ERBB4: variants seen among roughly 807,000 people sequenced by gnomAD.
The protein encoded by ERBB4 is erb-b2 receptor tyrosine kinase 4.
Under a neutral mutation model 158.0 loss-of-function variants are expected in ERBB4, and 42 were observed. That is an observed-to-expected ratio of 0.27 (90% confidence interval 0.21 to 0.34). ERBB4 has a LOEUF of 0.34. ERBB4 is among the 10% of genes least tolerant of loss of function. The pLI, the probability that ERBB4 is intolerant of heterozygous loss-of-function variation, is 1.00. For synonymous variants in ERBB4, 583 were observed against 558.7 expected (o/e 1.04, Z -0.61); for missense variants, 1,333 against 1,624.1 (o/e 0.82, Z 3.08).
At chr2:211,735,405 A>G (rs1321434674) in intron 5 of ERBB4, among the ~76,000 whole-genome samples, 1 of 152,208 alleles carries the variant, frequency 6.6e-6, no homozygotes, top group East Asian at 1.9e-4. Flanking sequence ...ACATGTTTTC[A>G]TCAAGTTAAG....
intron 1 of ERBB4, among the ~76,000 whole-genome samples, chr2:212,421,913 G>C (rs533063936): frequency 1.3e-5 from 2 of 152,224 alleles, no homozygotes; most frequent in South Asian, 4.1e-4. Flanking sequence ...CAAATGAAAA[G>C]TATATTATCT....
intron 20 of ERBB4, among the ~76,000 whole-genome samples, chr2:211,467,128 T>C (rs1319392915): frequency 6.6e-6 from 1 of 152,162 alleles, no homozygotes; most frequent in Non-Finnish European, 1.5e-5. Flanking sequence ...CTTTGTGTTA[T>C]GCAGTGGGTT....
chr2:212,023,528 AC>A (rs1339717849), intron 2 of ERBB4, among the ~76,000 whole-genome samples: 1 of 152,010 alleles, frequency 6.6e-6, no homozygotes, highest in African/African-American at 2.4e-5. Context: ...TTTAAAAAAA[AC>A]AGATGAATAA....
At chr2:212,182,358 T>C (rs1219415909) in intron 1 of ERBB4, among the ~76,000 whole-genome samples, 1 of 151,842 alleles carries the variant, frequency 6.6e-6, no homozygotes, top group Non-Finnish European at 1.5e-5. Context: ...GACAGTTTTT[T>C]TGATCCATCT....
intron 3 of ERBB4, among the ~76,000 whole-genome samples, chr2:211,880,878 C>T (rs553872406): frequency 6.6e-6 from 1 of 152,308 alleles, no homozygotes; most frequent in East Asian, 1.9e-4. Context: ...GGAAAATATT[C>T]ATCTTGTTTG....
At chr2:212,211,099 C>A (rs1370052477) in intron 1 of ERBB4, among the ~76,000 whole-genome samples, 5 of 152,134 alleles carry the variant, frequency 3.3e-5, no homozygotes, top group Admixed American at 6.6e-5. Flanking sequence ...TAATTACTCA[C>A]TAGTGCTATA....
chr2:211,549,408 G>A lies in ERBB4; in HGVS notation c.2487+12495C>T, dbSNP rs185203496. Among the ~76,000 whole-genome samples the A allele has an allele frequency of 3.9e-5, 6 of 152,124 alleles. No individual in the cohort carries two copies. In the East Asian group the frequency reaches 1.2e-3, roughly 30 times the overall value. Reference sequence around the variant, plus strand: ...GGGGGCTGGTAGTGGGATTGGGTAGGGAGACCTATGTTCCTACGGTCACAC... The same window carrying A: ...GGGGGCTGGTAGTGGGATTGGGTAGAGAGACCTATGTTCCTACGGTCACAC... On this transcript the variant is annotated intron_variant, in intron 20 of 27. Transcript: ENST00000342788.
chr2:211,895,675 A>C lies in ERBB4; in HGVS notation c.421+51755T>G, dbSNP rs192392113. Among the ~76,000 whole-genome samples, 34 of 152,188 alleles carry C rather than the reference A, an allele frequency of 2.2e-4. No homozygotes were observed. The East Asian group carries it at 6.6e-3, about 29-fold the overall frequency. ...TATCCAGTTCTTTAACCTTACATAC[A>C]TCTCCAAATTTTTCTCTGTTTCTCT... On this transcript the variant is annotated intron_variant, in intron 3 of 27. Transcript: ENST00000342788.
chr2:212,461,217 C>T (rs1340951145), intron 1 of ERBB4, among the ~76,000 whole-genome samples: 1 of 152,130 alleles, frequency 6.6e-6, no homozygotes, highest in Non-Finnish European at 1.5e-5. Context: ...GAATGGTAGA[C>T]CCAGTGACGG....
intron 20 of ERBB4, among the ~76,000 whole-genome samples, chr2:211,455,847 C>G (rs904015514): frequency 2.6e-5 from 4 of 152,128 alleles, no homozygotes; most frequent in Non-Finnish European, 4.4e-5. Flanking sequence ...TTTATCAGTT[C>G]CAGGAGTAAT....
At chr2:212,265,312 T>C (rs2085090259) in intron 1 of ERBB4, among the ~76,000 whole-genome samples, 1 of 152,136 alleles carries the variant, frequency 6.6e-6, no homozygotes, top group Non-Finnish European at 1.5e-5. Context: ...TTTTATGCTG[T>C]CTGAAAGGTC....
At chr2:211,437,923 A>C (rs2063890398) in intron 20 of ERBB4, among the ~76,000 whole-genome samples, 1 of 152,208 alleles carries the variant, frequency 6.6e-6, no homozygotes, top group Admixed American at 6.5e-5. Context: ...GTTAGAGCTA[A>C]AGATATAAGC....
intron 9 of ERBB4, among the ~76,000 whole-genome samples, chr2:211,708,269 T>A (rs2073527364): frequency 6.6e-6 from 1 of 152,156 alleles, no homozygotes; most frequent in Non-Finnish European, 1.5e-5. Context: ...GAATAAAGAA[T>A]ACATCATAAT....
chr2:212,454,280 G>C (rs1688166941), intron 1 of ERBB4, among the ~76,000 whole-genome samples: 2 of 152,164 alleles, frequency 1.3e-5, no homozygotes, highest in Non-Finnish European at 2.9e-5. Flanking sequence ...GACGCACTAG[G>C]AAGTTGGCAA....
chr2:211,690,039 G>C (rs113141248), intron 12 of ERBB4, among the ~76,000 whole-genome samples: 2 of 147,644 alleles, frequency 1.4e-5, no homozygotes, highest in Non-Finnish European at 3.0e-5. Context: ...TTATAGATAT[G>C]ATATATAAAT....
chr2:211,392,591 C>CAT (rs2062823387), intron 25 of ERBB4, among the ~76,000 whole-genome samples: 1 of 144,116 alleles, frequency 6.9e-6, no homozygotes, highest in African/African-American at 2.5e-5. Context: ...CACACACACA[C>CAT]ACACACACAC....
chr2:211,619,030 T>A (rs1574866713), intron 19 of ERBB4, 147 bp downstream of exon 19: 1 of 639,258 alleles, frequency 1.6e-6, no homozygotes, highest in South Asian at 1.9e-5. Flanking sequence ...TGTGAATTGG[T>A]CTTAGAAATG....
intron 3 of ERBB4, among the ~76,000 whole-genome samples, chr2:211,876,835 GTTT>G (rs1047267349): frequency 1.3e-5 from 2 of 152,068 alleles, no homozygotes; most frequent in East Asian, 1.9e-4. Flanking sequence ...TTTTTAAAAT[GTTT>G]TTTTATCATG....
intron 2 of ERBB4, among the ~76,000 whole-genome samples, chr2:212,123,705 GGTT>G (rs1307891209): frequency 5.3e-5 from 8 of 152,006 alleles, no homozygotes; most frequent in African/African-American, 1.9e-4. Context: ...CATTTTCTGA[GGTT>G]GTTACCAATT....
Sources: allele counts gnomAD v4.1 joint callset (sites outside exome capture counted in the v4.1 genomes callset), GRCh38; gene constraint gnomAD v4.1.1; transcripts MANE v1.5; gene names NCBI Gene and HGNC (gene_info 2026-07-23, HGNC 2026-07-21).